Variants in NOSTRIN observed in about 807,000 individuals in gnomAD.
NOSTRIN encodes the protein nitric oxide synthase trafficking, also known as BM247 homolog.
NOSTRIN carries 63 observed loss-of-function variants against 59.0 expected under a neutral mutation model. The ratio of observed to expected loss-of-function variants is 1.07; its 90% CI spans 0.87 to 1.32. The LOEUF (loss-of-function observed/expected upper bound fraction) is 1.32. Ranked by LOEUF, NOSTRIN falls within the 40% of genes most tolerant of loss-of-function variation. The probability of loss-of-function intolerance (pLI) is 0.00; values close to 1 mark genes in which losing one functional copy is unlikely to be tolerated. For synonymous variants in NOSTRIN, 200 were observed against 165.4 expected (o/e 1.21, Z -1.61); for missense variants, 512 against 473.1 (o/e 1.08, Z -0.76).
intron 7 of NOSTRIN, among the ~76,000 whole-genome samples, chr2:168,841,235 C>CAAAAAAAAAAAAAAAAAAAAAAAAAAAAA (rs57480764): frequency 2.8e-5 from 3 of 106,586 alleles, no homozygotes; most frequent in Admixed American, 1.0e-4. Flanking sequence ...ACCCTGTCTC[C>CAAAAAAAAAAAAAAAAAAAAAAAAAAAAA]AAAAAAAAAA....
In NOSTRIN at chr2:168,855,987, A is replaced by G. The variant is rs867116827; in HGVS notation, c.964+527A>G. Reference sequence around the variant, plus strand: ...ATGTCTACCTAGTAACTTGTTTTATATGGACCACGATAACTCATTGCAATG... The same window carrying G: ...ATGTCTACCTAGTAACTTGTTTTATGTGGACCACGATAACTCATTGCAATG... On this transcript the variant is annotated intron_variant, in intron 11 of 15. Coordinates refer to ENST00000317647, the MANE Select transcript of NOSTRIN (RefSeq NM_001039724.4). 6.6e-5 allele frequency: 28 copies of G among 422,674 alleles called. No homozygotes were observed. In the Middle Eastern group the frequency reaches 4.1e-3, roughly 62 times the overall value. The allele number at this position is 422,674 out of a possible 1,614,324, so 26.2% of individuals were successfully genotyped here.
Position 168,864,826 on chromosome 2 carries a change from T to A in NOSTRIN, c.1385-8T>A. 1 of 1,613,684 alleles carries A rather than the reference T, an allele frequency of 6.2e-7. No homozygotes were observed. The highest frequency in any genetic ancestry group is 8.5e-7 in the Non-Finnish European group (1 of 1,179,710). ...CAGAGACCCATTTGTCTAACTGTAT[T>A]TTCACAGGTGACATTGTGATTATAC... is the stretch of plus-strand genomic sequence containing the variant. On this transcript the variant is annotated splice_polypyrimidine_tract_variant and splice_region_variant and intron_variant, in intron 15 of 15. Transcript: ENST00000317647.
At chr2:168,855,781 C>T (rs1285676254) in intron 11 of NOSTRIN, 1 of 416,980 alleles carries the variant, frequency 2.4e-6, no homozygotes, top group Non-Finnish European at 4.5e-6. Context: ...TGGTTTAAAA[C>T]ATGGTCAACC....
chr2:168,808,308 G>A (rs1344930090), intron 1 of NOSTRIN, among the ~76,000 whole-genome samples: 1 of 152,136 alleles, frequency 6.6e-6, no homozygotes, highest in African/African-American at 2.4e-5. Flanking sequence ...GGTGATGGTG[G>A]ACTGGTAGGG....
chr2:168,808,317 G>A (rs1434119918), intron 1 of NOSTRIN, among the ~76,000 whole-genome samples: 2 of 152,046 alleles, frequency 1.3e-5, no homozygotes, highest in Non-Finnish European at 2.9e-5. Context: ...GGACTGGTAG[G>A]GCCTTTCCCT....
At chr2:168,792,966 G>C (rs1685393890) in intron 2 of NOSTRIN, among the ~76,000 whole-genome samples, 1 of 152,116 alleles carries the variant, frequency 6.6e-6, no homozygotes. Context: ...ATACTAATTT[G>C]TAGTGTGGCC....
chr2:168,832,314 C>T (rs1047864577), intron 6 of NOSTRIN, among the ~76,000 whole-genome samples: 1 of 152,022 alleles, frequency 6.6e-6, no homozygotes, highest in Non-Finnish European at 1.5e-5. Flanking sequence ...CAGATGGGAT[C>T]CATATGCACA....
chr2:168,806,987 T>G (rs1685883507), intron 1 of NOSTRIN, among the ~76,000 whole-genome samples: 1 of 152,212 alleles, frequency 6.6e-6, no homozygotes, highest in Non-Finnish European at 1.5e-5. Flanking sequence ...ATGTATTTGT[T>G]TCTGATGGAT....
At chr2:168,817,160 T>C (rs1686454232) in intron 2 of NOSTRIN, among the ~76,000 whole-genome samples, 1 of 152,196 alleles carries the variant, frequency 6.6e-6, no homozygotes, top group South Asian at 2.1e-4. Flanking sequence ...ATGGAAAAGA[T>C]GATACATTTG....
intron 15 of NOSTRIN, chr2:168,863,437 C>CAA: frequency 3.0e-6 from 3 of 985,056 alleles, no homozygotes; most frequent in Non-Finnish European, 3.6e-6. Flanking sequence ...AGAATGATGC[C>CAA]AAATAAAAAG....
intron 1 of NOSTRIN, among the ~76,000 whole-genome samples, chr2:168,810,945 G>T (rs140340863): frequency 3.9e-5 from 6 of 152,136 alleles, no homozygotes; most frequent in African/African-American, 1.4e-4. Flanking sequence ...TCTCGTGTCC[G>T]CAGGATAAAT....
In NOSTRIN at chr2:168,861,936, T is replaced by TA. The variant is rs1444025119; in HGVS notation, c.1295-22dup. The TA allele has an allele frequency of 3.7e-6, 6 of 1,608,670 alleles. No individual in the cohort carries two copies. The East Asian group carries it at 1.3e-4, about 36-fold the overall frequency. On this transcript the variant is annotated intron_variant, in intron 14 of 15. Coordinates refer to ENST00000317647, the MANE Select transcript of NOSTRIN (RefSeq NM_001039724.4). ...TCATTTGCCTGCTAACACAGCATAC[T>TA]AATTACAGCTTTATCTATTTCAGCC...
intron 1 of NOSTRIN, among the ~76,000 whole-genome samples, chr2:168,806,075 C>A (rs186746398): frequency 6.6e-6 from 1 of 152,056 alleles, no homozygotes; most frequent in South Asian, 2.1e-4. Flanking sequence ...CCAAATACTA[C>A]GCAGATGGTG....
chr2:168,801,190 A>C (rs1360057932), upstream of NOSTRIN: 2 of 145,218 alleles, frequency 1.4e-5, no homozygotes, highest in Non-Finnish European at 3.0e-5. Flanking sequence ...CCTCCTCTCC[A>C]CTCTTGTTGC....
intron 15 of NOSTRIN, chr2:168,863,795 A>G (rs952540096): frequency 9.8e-6 from 3 of 305,104 alleles, no homozygotes; most frequent in Non-Finnish European, 1.4e-5. Context: ...CAAAAACACC[A>G]GCATGTGAAA....
chr2:168,821,332 G>A (rs1686724786), intron 2 of NOSTRIN, among the ~76,000 whole-genome samples: 1 of 152,226 alleles, frequency 6.6e-6, no homozygotes, highest in Admixed American at 6.5e-5. Flanking sequence ...CATTTAAACA[G>A]CTTGTTAATT....
intron 15 of NOSTRIN, chr2:168,863,605 A>AGTT: frequency 1.0e-6 from 1 of 985,310 alleles, no homozygotes; most frequent in Non-Finnish European, 1.2e-6. Flanking sequence ...GTTGTATTAA[A>AGTT]GTTGTCTAAG....
chr2:168,804,449 TAATC>T (rs1283603631), intron 1 of NOSTRIN, among the ~76,000 whole-genome samples: 2 of 152,244 alleles, frequency 1.3e-5, no homozygotes, highest in Non-Finnish European at 2.9e-5. Context: ...TGTTTCATCT[TAATC>T]AAGTGTTCAA....
chr2:168,790,442 A>G (rs560463883), intron 2 of NOSTRIN, among the ~76,000 whole-genome samples: 1 of 152,232 alleles, frequency 6.6e-6, no homozygotes, highest in Non-Finnish European at 1.5e-5. Flanking sequence ...GGTGAACACC[A>G]TCAGTAATGG....
Sources: gnomAD v4.1 joint callset for allele counts (sites outside exome capture counted in the v4.1 genomes callset) on GRCh38, gnomAD v4.1.1 for gene constraint, MANE v1.5 for transcripts, NCBI Gene and HGNC (gene_info 2026-07-23, HGNC 2026-07-21) for gene names.